SAMD3: variants seen among roughly 807,000 people sequenced by gnomAD.
SAMD3 encodes sterile alpha motif domain containing 3.
SAMD3 carries 63 observed loss-of-function variants against 58.5 expected under a neutral mutation model. The ratio of observed to expected loss-of-function variants is 1.08; its 90% CI spans 0.88 to 1.33. SAMD3 has a LOEUF of 1.33. Ranked by LOEUF, SAMD3 falls within the 40% of genes most tolerant of loss-of-function variation. SAMD3 has a pLI of 0.00. For synonymous variants in SAMD3, 220 were observed against 210.3 expected (o/e 1.05, Z -0.40); for missense variants, 604 against 608.4 (o/e 0.99, Z 0.08).
intron 1 of SAMD3, among the ~76,000 whole-genome samples, chr6:130,322,526 A>T (rs1776620504): frequency 6.6e-6 from 1 of 152,104 alleles, no homozygotes; most frequent in Non-Finnish European, 1.5e-5. Flanking sequence ...AATTCCAGCT[A>T]CTCGGAGGCT....
chr6:130,158,954 C>T (rs1018467965), intron 8 of SAMD3, among the ~76,000 whole-genome samples: 1 of 152,108 alleles, frequency 6.6e-6, no homozygotes, highest in African/African-American at 2.4e-5. Flanking sequence ...TGGGAAGGGA[C>T]CAGAGGCTGA....
chr6:130,286,414 G>A (rs1775154997), intron 2 of SAMD3, among the ~76,000 whole-genome samples: 1 of 152,202 alleles, frequency 6.6e-6, no homozygotes, highest in Admixed American at 6.5e-5. Context: ...GAATGCTGAA[G>A]CTTCAAAGGG....
rs149498234 is a variant in SAMD3, at chr6:130,362,899, G to T, written c.-304+2221C>A. Among the ~76,000 whole-genome samples the T allele has an allele frequency of 3.2e-3, 486 of 152,204 alleles. 6 individuals are homozygous for T. The highest frequency in any genetic ancestry group is 0.011 in the African/African-American group (462 of 41,530). ...ATGAGAAAGAAAACATGAAAAGTAT[G>T]ACAAAGTGCTATTCAAAATCACGGT... is the stretch of plus-strand genomic sequence containing the variant. On this transcript the variant is annotated intron_variant, in intron 1 of 13. Transcript: ENST00000368134.
chr6:130,309,094 A>G (rs1776047950), intron 2 of SAMD3, among the ~76,000 whole-genome samples: 1 of 152,224 alleles, frequency 6.6e-6, no homozygotes, highest in Non-Finnish European at 1.5e-5. Flanking sequence ...TAGTGAGAAG[A>G]GAGCCTTCTC....
chr6:130,215,210 C>A lies in SAMD3; in HGVS notation c.64G>T (p.Val22Phe). The A allele has an allele frequency of 1.3e-6, 2 of 1,597,852 alleles. No individual in the cohort carries two copies. The highest frequency in any genetic ancestry group is 1.7e-6 in the Non-Finnish European group (2 of 1,165,968). Residue 22 changes from valine to phenylalanine, a missense_variant, in exon 3 of 12, where the codon GTT (valine) becomes TTT (phenylalanine). Physicochemically the swap from Val to Phe is conservative, Grantham distance 50. Transcript: ENST00000439090. Reference sequence around the variant, plus strand: ...AACAACTCACCTTGAAATCTATGAACTAGCTCTCCTAAATTTTTCTCCACC... The same window carrying A: ...AACAACTCACCTTGAAATCTATGAAATAGCTCTCCTAAATTTTTCTCCACC... ...WLVEKNLGEL[V>F]HRFQEEEVSG...
At chr6:130,319,189 C>T (rs542531117) in intron 1 of SAMD3, among the ~76,000 whole-genome samples, 24 of 151,978 alleles carry the variant, frequency 1.6e-4, no homozygotes, top group African/African-American at 5.1e-4. Flanking sequence ...AATTTGGAAC[C>T]CCCACAGGAG....
chr6:130,314,128 T>A (rs1319418688), intron 1 of SAMD3, among the ~76,000 whole-genome samples: 5 of 152,294 alleles, frequency 3.3e-5, no homozygotes, highest in Non-Finnish European at 7.3e-5. Flanking sequence ...GGAAAGGACG[T>A]AAAATATGTA....
At chr6:130,231,472 G>C (rs1156836601) in intron 2 of SAMD3, among the ~76,000 whole-genome samples, 8 of 152,138 alleles carry the variant, frequency 5.3e-5, no homozygotes, top group African/African-American at 1.7e-4. Flanking sequence ...GCTGAGGCAG[G>C]AGATCCACTT....
chr6:130,214,808 TA>T (rs1241563690), intron 3 of SAMD3, among the ~76,000 whole-genome samples: 1 of 152,146 alleles, frequency 6.6e-6, no homozygotes, highest in African/African-American at 2.4e-5. Flanking sequence ...GTATTGTTTT[TA>T]TAAGGAAAAA....
chr6:130,274,566 C>T (rs6923650), intron 2 of SAMD3, among the ~76,000 whole-genome samples: 21,942 of 151,972 alleles, frequency 0.14, 4,203 homozygotes, highest in African/African-American at 0.44. Context: ...ATCCTTAGGA[C>T]ATATTTTGGG....
intron 5 of SAMD3, among the ~76,000 whole-genome samples, chr6:130,197,351 G>A (rs140400694): frequency 0.02 from 3,103 of 152,244 alleles, 104 homozygotes; most frequent in African/African-American, 0.071. Context: ...GGTTTACACC[G>A]TTTCTCCAAG....
intron 2 of SAMD3, among the ~76,000 whole-genome samples, chr6:130,271,514 T>C (rs1258881415): frequency 6.6e-6 from 1 of 152,254 alleles, no homozygotes; most frequent in East Asian, 1.9e-4. Context: ...CCAGTGTTTT[T>C]TAAATTGTTG....
intron 1 of SAMD3, among the ~76,000 whole-genome samples, chr6:130,320,816 G>A (rs4895880): frequency 0.45 from 68,060 of 151,996 alleles, 17,635 homozygotes; most frequent in African/African-American, 0.72. Context: ...TACACAGCAG[G>A]TCCATGTCTA....
At chr6:130,285,124 A>G (rs965795320) in intron 2 of SAMD3, among the ~76,000 whole-genome samples, 1 of 152,268 alleles carries the variant, frequency 6.6e-6, no homozygotes, top group African/African-American at 2.4e-5. Context: ...CCATCTGATC[A>G]TTCCATAATA....
chr6:130,226,280 T>A (rs1796380531), upstream of SAMD3, among the ~76,000 whole-genome samples: 1 of 152,214 alleles, frequency 6.6e-6, no homozygotes, highest in African/African-American at 2.4e-5. Context: ...ACAAGGGGTG[T>A]ACTTCATGAA....
chr6:130,256,213 T>C (rs1773922779), intron 2 of SAMD3, among the ~76,000 whole-genome samples: 1 of 151,966 alleles, frequency 6.6e-6, no homozygotes, highest in African/African-American at 2.4e-5. Flanking sequence ...AGCTGCTTAA[T>C]TAATTGTGGA....
chr6:130,361,201 G>GA (rs1346376057), intron 1 of SAMD3, among the ~76,000 whole-genome samples: 1 of 151,986 alleles, frequency 6.6e-6, no homozygotes, highest in Non-Finnish European at 1.5e-5. Context: ...AAGTGTCCAT[G>GA]AAAACTTCAC....
intron 11 of SAMD3, 76 bp from the exon 12 acceptor site, chr6:130,144,880 A>T (rs1487878342): frequency 7.8e-6 from 10 of 1,280,904 alleles, no homozygotes; most frequent in Non-Finnish European, 1.1e-5. Context: ...TAATCATGGT[A>T]TTACAATAAA....
chr6:130,349,610 G>A lies in SAMD3; in HGVS notation c.-304+15510C>T, dbSNP rs1161583602. ...ACCAACCAAAAAAAGTCCAGGACCAGATGGATTCACAGCCAAATTCTACCA... is the reference window on the plus strand; with the variant it reads ...ACCAACCAAAAAAAGTCCAGGACCAAATGGATTCACAGCCAAATTCTACCA... On this transcript the variant is annotated intron_variant, in intron 1 of 13. Coordinates refer to the SAMD3 transcript ENST00000368134. 2.6e-5 allele frequency among the ~76,000 whole-genome samples: 4 copies of A among 152,308 alleles called. No homozygotes were observed. In the East Asian group the frequency reaches 7.7e-4, roughly 29 times the overall value.
Sources: allele counts gnomAD v4.1 joint callset (sites outside exome capture counted in the v4.1 genomes callset), GRCh38; gene constraint gnomAD v4.1.1; transcripts MANE v1.5; gene names NCBI Gene and HGNC (gene_info 2026-07-23, HGNC 2026-07-21).